The following MAPK10 variants were observed in gnomAD, a reference collection of about 807,000 sequenced individuals.
The protein encoded by MAPK10 is JNK3 alpha protein kinase.
MAPK10 carries 25 observed loss-of-function variants against 59.3 expected under a neutral mutation model. The ratio of observed to expected loss-of-function variants is 0.42; its 90% CI spans 0.31 to 0.59. The LOEUF (loss-of-function observed/expected upper bound fraction) is 0.59, where lower values mean the gene tolerates loss of function less well. MAPK10 is among the 20% of genes least tolerant of loss of function. The pLI, the probability that MAPK10 is intolerant of heterozygous loss-of-function variation, is 0.15. For missense variants in MAPK10, 351 were observed against 568.9 expected (o/e 0.62, Z 3.90); for synonymous variants, 190 against 200.5 (o/e 0.95, Z 0.44).
In MAPK10 at chr4:86,013,132, G is replaced by T. The variant is rs138422281; in HGVS notation, c.*4096C>A. The T allele has an allele frequency of 1.2e-3, 186 of 152,210 alleles. 1 individual carries two copies. Among genetic ancestry groups the T allele is most frequent in the African/African-American group, 4.4e-3 (181 of 41,536 alleles). 9.4% of individuals were successfully genotyped at this position (152,210 alleles called of 1,614,324 possible). A position where few individuals can be genotyped will look rare whatever the true frequency, so the allele number is the denominator to read the frequency against. ...CCTCACTTCAGTTTGGCTGACCAAA[G>T]AAACAGGTCAAAGTGAGCCATTTTC... On this transcript the variant is annotated 3_prime_UTR_variant, in exon 14 of 14. Transcript: ENST00000641462.
chr4:86,527,151 G>T (rs932235147), intron 1 of MAPK10, among the ~76,000 whole-genome samples: 18 of 151,560 alleles, frequency 1.2e-4, no homozygotes, highest in Middle Eastern at 6.8e-3. Context: ...GCTACTAAAA[G>T]TTAAAAATAA....
chr4:86,289,161 C>T (rs1186004124), intron 2 of MAPK10, among the ~76,000 whole-genome samples: 2 of 151,984 alleles, frequency 1.3e-5, no homozygotes, highest in South Asian at 4.2e-4. Flanking sequence ...TTTAGGATAT[C>T]CAAGGCAGAA....
intron 1 of MAPK10, among the ~76,000 whole-genome samples, chr4:86,447,798 A>G (rs1050562303): frequency 6.6e-5 from 10 of 152,214 alleles, no homozygotes; most frequent in African/African-American, 2.4e-4. Flanking sequence ...AAAAATACAT[A>G]TATGTGTGTA....
At chr4:86,415,263 C>T (rs1292218811) in intron 1 of MAPK10, among the ~76,000 whole-genome samples, 3 of 151,984 alleles carry the variant, frequency 2.0e-5, no homozygotes, top group Non-Finnish European at 4.4e-5. Context: ...AGAAACTTTG[C>T]TAGCAACAGC....
At chr4:86,339,628 C>G (rs1385628577) in intron 2 of MAPK10, among the ~76,000 whole-genome samples, 2 of 152,200 alleles carry the variant, frequency 1.3e-5, no homozygotes, top group Non-Finnish European at 2.9e-5. Flanking sequence ...TCACCATTCT[C>G]TCACTGTAGG....
At chr4:86,066,184 T>C (rs914196055) in intron 10 of MAPK10, among the ~76,000 whole-genome samples, 1 of 152,224 alleles carries the variant, frequency 6.6e-6, no homozygotes, top group Non-Finnish European at 1.5e-5. Context: ...TTTTTATTTC[T>C]ATTAATCATT....
rs556911223 is a variant in MAPK10, at chr4:86,379,540, G to A, written c.-121-24896C>T. ...CACGCTGGAAGGTTGTGGGTTTACC[G>A]GAATGAGGGCAAGGAACACCTGGCC... On this transcript the variant is annotated intron_variant, in intron 1 of 13. Transcript: ENST00000361569. Among the ~76,000 whole-genome samples the A allele has an allele frequency of 7.2e-5, 11 of 152,262 alleles. No homozygotes were observed. In the South Asian group the frequency reaches 1.7e-3, roughly 23 times the overall value.
intron 1 of MAPK10, among the ~76,000 whole-genome samples, chr4:86,571,264 AAT>A (rs574137394): frequency 1.7e-4 from 25 of 144,324 alleles, no homozygotes; most frequent in South Asian, 2.2e-4. Flanking sequence ...CCAAAATTTA[AAT>A]ATATATATAT....
chr4:86,402,109 C>T lies in MAPK10; in HGVS notation c.-121-47465G>A, dbSNP rs1332692398. Reference sequence around the variant, plus strand: ...TGCTGGAACAAAAAGGAAACTAGTGCTCTCATTTTACGGAAATTGTTCACA... The same window carrying T: ...TGCTGGAACAAAAAGGAAACTAGTGTTCTCATTTTACGGAAATTGTTCACA... On this transcript the variant is annotated intron_variant, in intron 1 of 13. Coordinates refer to the MAPK10 transcript ENST00000361569. Among the ~76,000 whole-genome samples, 3 of 152,184 alleles carry T rather than the reference C, an allele frequency of 2.0e-5. No individual in the cohort carries two copies. The East Asian group carries it at 5.8e-4, about 29-fold the overall frequency.
At chr4:86,306,279 T>G (rs2095566910) in intron 2 of MAPK10, among the ~76,000 whole-genome samples, 1 of 152,248 alleles carries the variant, frequency 6.6e-6, no homozygotes, top group Non-Finnish European at 1.5e-5. Flanking sequence ...TTTAATATCT[T>G]CCTTAATAGA....
intron 2 of MAPK10, among the ~76,000 whole-genome samples, chr4:86,239,813 G>C (rs1433922918): frequency 6.6e-6 from 1 of 150,908 alleles, no homozygotes; most frequent in Non-Finnish European, 1.5e-5. Flanking sequence ...ACAGATCCTG[G>C]ATTCATTGAG....
intron 2 of MAPK10, chr4:86,327,732 G>A (rs1241053059): frequency 6.9e-6 from 1 of 144,692 alleles, no homozygotes; most frequent in Non-Finnish European, 1.5e-5. Context: ...CTGAGGTCAG[G>A]AGTTTGAGAC....
chr4:86,328,397 T>C (rs1212494894), intron 2 of MAPK10, among the ~76,000 whole-genome samples: 1 of 152,176 alleles, frequency 6.6e-6, no homozygotes, highest in Non-Finnish European at 1.5e-5. Context: ...TTTTACACTG[T>C]TCGTGGGAAT....
intron 11 of MAPK10, among the ~76,000 whole-genome samples, chr4:86,043,404 GCA>G (rs1174427791): frequency 6.6e-6 from 1 of 152,032 alleles, no homozygotes; most frequent in Non-Finnish European, 1.5e-5. Context: ...TTTGGACTTG[GCA>G]CCTAAGAGGC....
chr4:86,282,647 C>T (rs1245328632), intron 2 of MAPK10, among the ~76,000 whole-genome samples: 2 of 152,094 alleles, frequency 1.3e-5, no homozygotes, highest in African/African-American at 4.8e-5. Context: ...TCTCCCTGCC[C>T]GCCCTTAGGA....
intron 1 of MAPK10, among the ~76,000 whole-genome samples, chr4:86,577,958 G>A (rs1578166345): frequency 6.6e-6 from 1 of 152,024 alleles, no homozygotes; most frequent in Non-Finnish European, 1.5e-5. Context: ...ATTAAGGTTA[G>A]TATTAATTCC....
chr4:86,282,682 C>A (rs1007529789), intron 2 of MAPK10, among the ~76,000 whole-genome samples: 1 of 152,164 alleles, frequency 6.6e-6, no homozygotes. Context: ...AATGCTTTAT[C>A]TGTCTCTCTG....
intron 2 of MAPK10, among the ~76,000 whole-genome samples, chr4:86,270,513 T>A (rs1409430601): frequency 6.6e-6 from 1 of 152,100 alleles, no homozygotes; most frequent in Non-Finnish European, 1.5e-5. Context: ...TATCATAGTC[T>A]AATGTAACTA....
chr4:86,197,567 T>C (rs1444792723), intron 2 of MAPK10, among the ~76,000 whole-genome samples: 6 of 152,206 alleles, frequency 3.9e-5, no homozygotes, highest in South Asian at 2.1e-4. Flanking sequence ...AAATGTAGCA[T>C]GCAGAGTACA....
Sources: gnomAD v4.1 joint callset for allele counts (sites outside exome capture counted in the v4.1 genomes callset) on GRCh38, gnomAD v4.1.1 for gene constraint, MANE v1.5 for transcripts, NCBI Gene and HGNC (gene_info 2026-07-23, HGNC 2026-07-21) for gene names.